Variants in TSBP1 observed in about 807,000 individuals in gnomAD.
The protein encoded by TSBP1 is testis-expressed basic protein 1.
TSBP1 carries 56 observed loss-of-function variants against 68.8 expected under a neutral mutation model. That is an observed-to-expected ratio of 0.81 (90% CI 0.66 to 1.02). TSBP1 has a LOEUF of 1.02. Among genes scored for constraint, TSBP1 ranks in the 50% least tolerant of loss-of-function variants. TSBP1 has a pLI of 0.00. For missense variants in TSBP1, 502 were observed against 641.2 expected, an observed-to-expected ratio of 0.78 and a Z score of 2.34; for synonymous variants, 171 against 208.7, an observed-to-expected ratio of 0.82 and a Z score of 1.56.
intron 16 of TSBP1, among the ~76,000 whole-genome samples, chr6:32,326,450 C>T (rs1309551152): frequency 2.0e-5 from 3 of 151,814 alleles, no homozygotes; most frequent in Non-Finnish European, 4.4e-5. Context: ...TTTTTGCACC[C>T]ATGCTGTTTA....
chr6:32,367,849 A>G (rs1773939788), intron 4 of TSBP1, 76 bp downstream of exon 4: 1 of 1,090,796 alleles, frequency 9.2e-7, no homozygotes. Flanking sequence ...AATCATGCTC[A>G]AATGGAGATG....
chr6:32,354,862 G>C (rs1205173956), intron 8 of TSBP1, among the ~76,000 whole-genome samples: 3 of 151,878 alleles, frequency 2.0e-5, no homozygotes, highest in African/African-American at 7.3e-5. Flanking sequence ...GATAGGTAGA[G>C]ACTATAAATA....
chr6:32,369,373 A>ATTTTTTTTTT (rs9281761), intron 2 of TSBP1, among the ~76,000 whole-genome samples: 3 of 127,018 alleles, frequency 2.4e-5, no homozygotes, highest in Non-Finnish European at 4.9e-5. Flanking sequence ...AAACTCTGTG[A>ATTTTTTTTTT]TTTTTTTTTT....
intron 18 of TSBP1, among the ~76,000 whole-genome samples, chr6:32,320,953 T>G (rs1263800037): frequency 1.3e-5 from 2 of 152,208 alleles, no homozygotes; most frequent in African/African-American, 2.4e-5. Context: ...TTTCTGTTCC[T>G]GCATTAGTTT....
At position 32,365,873 on chromosome 6, in the gene TSBP1, G is replaced by C. The variant is rs12529400; in HGVS notation, c.217+294C>G. ...TCATCTGTGGATAGTTGTCTAAATTGATGCTTCTGTGTGGGAAGAAAGCTC... is the reference window on the plus strand; with the variant it reads ...TCATCTGTGGATAGTTGTCTAAATTCATGCTTCTGTGTGGGAAGAAAGCTC... On this transcript the variant is annotated intron_variant, in intron 6 of 22. Transcript: ENST00000612031. This position sits in a 1 kb window ranked among gnomAD's most constrained non-coding sequence, Gnocchi z 4.3. The C allele has an allele frequency of 0.088, 45,553 of 516,250 alleles. 2,703 individuals are homozygous for C. The highest frequency in any genetic ancestry group is 0.13 in the East Asian group (2,658 of 19,924). 32.0% of individuals were successfully genotyped at this position (516,250 alleles called of 1,614,324 possible).
At position 32,316,020 on chromosome 6, in the gene TSBP1, G is replaced by A. The variant is rs1468909457; in HGVS notation, c.560-228C>T. Among the ~76,000 whole-genome samples, 2 of 152,120 alleles carry A rather than the reference G, an allele frequency of 1.3e-5. No individual in the cohort carries two copies. Among genetic ancestry groups the A allele is most frequent in the African/African-American group, 4.8e-5 (2 of 41,428 alleles). The stretch of plus-strand genomic sequence containing the variant: ...AAATCAAAGGTAGGGTTTCCTTAAA[G>A]GCCCTCTTCATTTACTGGACCCAAC... On this transcript the variant is annotated intron_variant, in intron 18 of 22. Transcript: ENST00000612031. This position sits in a 1 kb window ranked among gnomAD's most constrained non-coding sequence, Gnocchi z 4.5.
chr6:32,308,595 C>G, intron 19 of TSBP1, among the ~76,000 whole-genome samples: 1 of 63,504 alleles, frequency 1.6e-5, no homozygotes, highest in African/African-American at 5.7e-5. Context: ...GAGACTCCGT[C>G]TCAAAAAAAA....
At chr6:32,294,873 C>CTTTTT (rs578120947) in intron 22 of TSBP1, among the ~76,000 whole-genome samples, 5 of 151,742 alleles carry the variant, frequency 3.3e-5, no homozygotes, top group African/African-American at 4.8e-5. Flanking sequence ...TTTTTATTTG[C>CTTTTT]TTTTGTTTTT....
intron 21 of TSBP1, 63 bp from the exon 25 acceptor site, chr6:32,299,999 C>G: frequency 7.9e-7 from 1 of 1,260,828 alleles, no homozygotes; most frequent in Non-Finnish European, 1.2e-6. Flanking sequence ...AACCCACCTT[C>G]CAATAGTATC....
At chr6:32,293,569 T>C in exon 23 of TSBP1, 4 of 1,612,992 alleles carry the variant, frequency 2.5e-6, no homozygotes, top group Non-Finnish European at 3.4e-6. Context: ...CACTCTTCTC[T>C]ACCTGGGCTT....
At chr6:32,322,032 C>A (rs1178392757) in intron 18 of TSBP1, among the ~76,000 whole-genome samples, 1 of 152,170 alleles carries the variant, frequency 6.6e-6, no homozygotes, top group Non-Finnish European at 1.5e-5. Context: ...CCTGCCTGGG[C>A]TCTTTTGGCA....
rs9268302 is a variant in TSBP1, at chr6:32,357,040, C to T, written c.218-1371G>A. Among the ~76,000 whole-genome samples, 44,264 of 151,946 alleles carry T rather than the reference C, an allele frequency of 0.29. 7,469 individuals are homozygous for T. The highest frequency in any genetic ancestry group is 0.44 in the African/African-American group (18,309 of 41,398). ...TCCTGCCAGAAGATTTCTATAGTCT[C>T]AAGTTGACCAGTACATTTATATTCC... On this transcript the variant is annotated intron_variant, in intron 6 of 22. Transcript: ENST00000612031. The surrounding 1 kb of genome is among the most constrained non-coding windows in gnomAD (Gnocchi z 4.7).
chr6:32,324,958 T>C (rs1320146685), intron 16 of TSBP1, among the ~76,000 whole-genome samples: 1 of 152,144 alleles, frequency 6.6e-6, no homozygotes, highest in Non-Finnish European at 1.5e-5. Context: ...GAGAAACAAA[T>C]AAATAACTGA....
intron 8 of TSBP1, among the ~76,000 whole-genome samples, chr6:32,354,169 G>A (rs1388248695): frequency 6.8e-6 from 1 of 147,408 alleles, no homozygotes; most frequent in Non-Finnish European, 1.5e-5. Flanking sequence ...GACAGAATTG[G>A]ATGAGATAAT....
At chr6:32,299,771 C>CA in intron 22 of TSBP1, 151 bp downstream of exon 25, 2 of 658,914 alleles carry the variant, frequency 3.0e-6, no homozygotes, top group South Asian at 3.8e-5. Flanking sequence ...AAGTGGAGGG[C>CA]GGGGGGGAAC....
exon 23 of TSBP1, chr6:32,293,097 C>T: frequency 6.2e-7 from 1 of 1,605,870 alleles, no homozygotes; most frequent in Non-Finnish European, 8.5e-7. Flanking sequence ...TTGTCCTTTC[C>T]TTTGTCACCT....
chr6:32,343,076 C>G lies in TSBP1; in HGVS notation c.350-3438G>C, dbSNP rs140179797. Among the ~76,000 whole-genome samples the G allele has an allele frequency of 1.9e-3, 288 of 152,200 alleles. 1 individual carries two copies. The highest frequency in any genetic ancestry group is 3.3e-3 in the Non-Finnish European group (225 of 67,996). ...GAAATGTGAGAAAGGTGGGCATGAT[C>G]CAGTTAAGATGGCTAATGAAGGACA... is the stretch of plus-strand genomic sequence containing the variant. On this transcript the variant is annotated intron_variant, in intron 9 of 22. Coordinates refer to ENST00000612031, the Ensembl canonical transcript of TSBP1. This position sits in a 1 kb window ranked among gnomAD's most constrained non-coding sequence, Gnocchi z 4.3.
chr6:32,326,168 G>C, intron 16 of TSBP1: 4 of 1,432,094 alleles, frequency 2.8e-6, no homozygotes, highest in Non-Finnish European at 3.9e-6. Flanking sequence ...GGCAGTGGCA[G>C]AAGATTTTAA....
chr6:32,302,835 T>C lies in TSBP1; in HGVS notation c.581-206A>G, dbSNP rs1765440219. 6.6e-6 allele frequency among the ~76,000 whole-genome samples: 1 copy of C among 152,240 alleles called. No homozygotes were observed. The highest frequency in any genetic ancestry group is 1.5e-5 in the Non-Finnish European group (1 of 68,040). On this transcript the variant is annotated intron_variant, in intron 19 of 22. Transcript: ENST00000612031. This position sits in a 1 kb window ranked among gnomAD's most constrained non-coding sequence, Gnocchi z 5.1. ...TACCACCTTTATGTGGTCCAACTTA[T>C]TGTTGTCTCTCTAATTGAGCTCTCT...
Sources: gnomAD v4.1 joint callset for allele counts (sites outside exome capture counted in the v4.1 genomes callset) on GRCh38, gnomAD v4.1.1 for gene constraint, Gnocchi (gnomAD v3.1) non-coding constraint, MANE v1.5 for transcripts, NCBI Gene and HGNC (gene_info 2026-07-23, HGNC 2026-07-21) for gene names.